FAM117B: variants seen among roughly 807,000 people sequenced by gnomAD.
The protein encoded by FAM117B is family with sequence similarity 117 member B.
In FAM117B, 22 loss-of-function variants were observed where a neutral mutation model predicts 52.8. The observed-to-expected ratio is 0.42, with a 90% CI of 0.30 to 0.59. The LOEUF (loss-of-function observed/expected upper bound fraction) is 0.59, where lower values mean the gene tolerates loss of function less well. FAM117B is among the 20% of genes least tolerant of loss of function. The pLI is 0.22. For synonymous variants in FAM117B, 309 were observed against 324.1 expected (o/e 0.95, Z 0.50); for missense variants, 678 against 802.6 (o/e 0.84, Z 1.88).
At position 202,766,031 on chromosome 2, in the gene FAM117B, C is replaced by T. The variant is rs548646670; in HGVS notation, c.*267C>T. On this transcript the variant is annotated 3_prime_UTR_variant, in exon 8 of 8. Transcript: ENST00000392238. The stretch of plus-strand genomic sequence containing the variant: ...CTTTACCTTTGGAGAGACAATATCA[C>T]GTTTTTGTTTTCGAATTAGACTTCT... 48 of 384,050 alleles carry T rather than the reference C, an allele frequency of 1.2e-4. 1 individual carries two copies. The highest frequency in any genetic ancestry group is 1.2e-3 in the South Asian group (39 of 31,464). 23.8% of individuals were successfully genotyped at this position (384,050 alleles called of 1,614,324 possible). A position where few individuals can be genotyped will look rare whatever the true frequency, so the allele number is the denominator to read the frequency against.
At chr2:202,674,414 G>A (rs1166937337) in intron 1 of FAM117B, among the ~76,000 whole-genome samples, 1 of 152,122 alleles carries the variant, frequency 6.6e-6, no homozygotes, top group Admixed American at 6.5e-5. Flanking sequence ...TTAACCAGTT[G>A]GTAATAATAC....
chr2:202,714,529 T>TTTCC (rs1691009145), intron 2 of FAM117B, among the ~76,000 whole-genome samples: 1 of 139,834 alleles, frequency 7.2e-6, no homozygotes, highest in Non-Finnish European at 1.6e-5. Flanking sequence ...TATCTTTTTT[T>TTTCC]TTTCTTTTTT....
chr2:202,650,917 C>G (rs900594519), intron 1 of FAM117B, among the ~76,000 whole-genome samples: 2 of 152,126 alleles, frequency 1.3e-5, no homozygotes, highest in African/African-American at 2.4e-5. Context: ...TCCGCTGACT[C>G]AAATATTAAT....
At chr2:202,759,377 C>T in intron 7 of FAM117B, 24 bp downstream of exon 7, 1 of 1,585,386 alleles carries the variant, frequency 6.3e-7, no homozygotes, top group Non-Finnish European at 8.5e-7. Flanking sequence ...CCACCATCCC[C>T]ACAAAAAAAC....
chr2:202,749,954 C>A (rs1426439963), intron 4 of FAM117B, among the ~76,000 whole-genome samples: 1 of 152,164 alleles, frequency 6.6e-6, no homozygotes, highest in East Asian at 1.9e-4. Flanking sequence ...GTGTATTAGT[C>A]TCTTCAGGCA....
chr2:202,702,678 T>C (rs1690813168), intron 2 of FAM117B, among the ~76,000 whole-genome samples: 1 of 151,982 alleles, frequency 6.6e-6, no homozygotes, highest in African/African-American at 2.4e-5. Context: ...CTCAGCCTCC[T>C]GGGTAGCTGG....
chr2:202,644,064 G>GTTT (rs1161026426), intron 1 of FAM117B, among the ~76,000 whole-genome samples: 3 of 95,138 alleles, frequency 3.2e-5, no homozygotes, highest in African/African-American at 1.4e-4. Flanking sequence ...TTTTTTTTTT[G>GTTT]TTTTTTTTTT....
intron 1 of FAM117B, among the ~76,000 whole-genome samples, chr2:202,677,129 G>T (rs1398166834): frequency 5.3e-5 from 8 of 150,468 alleles, no homozygotes; most frequent in African/African-American, 1.7e-4. Context: ...GTACAGTGGC[G>T]CAATCTCGGC....
intron 2 of FAM117B, among the ~76,000 whole-genome samples, chr2:202,713,752 G>A (rs770416026): frequency 5.9e-5 from 9 of 152,088 alleles, no homozygotes; most frequent in Non-Finnish European, 1.2e-4. Context: ...TGTTGCTCAG[G>A]TTGGAGTGCA....
At chr2:202,719,467 T>A (rs773490647) in intron 2 of FAM117B, among the ~76,000 whole-genome samples, 8 of 152,202 alleles carry the variant, frequency 5.3e-5, no homozygotes, top group Non-Finnish European at 1.2e-4. Flanking sequence ...TTCACCTATA[T>A]TTACCAAGTA....
chr2:202,678,241 C>T (rs1690406853), intron 1 of FAM117B, among the ~76,000 whole-genome samples: 2 of 152,028 alleles, frequency 1.3e-5, no homozygotes, highest in Non-Finnish European at 2.9e-5. Flanking sequence ...GGAAGAAGCT[C>T]CCTTATACAG....
chr2:202,722,975 T>A (rs1225840394), intron 2 of FAM117B, among the ~76,000 whole-genome samples: 1 of 152,188 alleles, frequency 6.6e-6, no homozygotes, highest in East Asian at 1.9e-4. Context: ...ACAATGGACT[T>A]AAAGAGCCTG....
chr2:202,746,432 C>G (rs970228383), intron 4 of FAM117B, among the ~76,000 whole-genome samples: 18 of 151,562 alleles, frequency 1.2e-4, no homozygotes, highest in African/African-American at 4.4e-4. Flanking sequence ...GTACAACATA[C>G]CAAAACCTAT....
In FAM117B at chr2:202,765,657, C is replaced by A. The variant is rs1691965813; in HGVS notation, c.1663C>A (p.Leu555Met). The change falls in exon 8 of 8, where the codon CTG becomes ATG. Residue 555 changes from leucine (L) to methionine (M), a missense_variant. Transcript: ENST00000392238. ...GCTGCAGCCTATTGCTGTGGCCTCC[C>A]TGTCTACAAACACAGAGCAAGACCG... ...TLLQPIAVASLSTNTEQDRVS... is the reference protein window; with the variant it reads ...TLLQPIAVASMSTNTEQDRVS... The A allele has an allele frequency of 5.6e-6, 9 of 1,614,014 alleles. 1 individual carries two copies. Among genetic ancestry groups the A allele is most frequent in the Middle Eastern group, 1.6e-4 (1 of 6,084 alleles).
At chr2:202,702,778 C>T (rs1351005945) in intron 2 of FAM117B, among the ~76,000 whole-genome samples, 1 of 152,160 alleles carries the variant, frequency 6.6e-6, no homozygotes, top group East Asian at 1.9e-4. Flanking sequence ...TGGTCTCGAT[C>T]TCCTGACCTC....
intron 1 of FAM117B, among the ~76,000 whole-genome samples, chr2:202,682,299 C>T (rs1690473916): frequency 6.6e-6 from 1 of 152,214 alleles, no homozygotes; most frequent in African/African-American, 2.4e-5. Context: ...CTTAAGCCGT[C>T]TGCGGATGGC....
chr2:202,655,710 G>GAGACAGAGAC (rs199668361), intron 1 of FAM117B, among the ~76,000 whole-genome samples: 1 of 24,328 alleles, frequency 4.1e-5, no homozygotes, highest in African/African-American at 3.5e-4. Context: ...AAGAGAGTGA[G>GAGACAGAGAC]AGAGAGAGAG....
At chr2:202,765,020 T>C (rs1691954128) in intron 7 of FAM117B, among the ~76,000 whole-genome samples, 1 of 152,196 alleles carries the variant, frequency 6.6e-6, no homozygotes, top group Non-Finnish European at 1.5e-5. Flanking sequence ...CAGTATACTA[T>C]AGACCTCGGA....
At chr2:202,647,843 A>G (rs562031425) in intron 1 of FAM117B, among the ~76,000 whole-genome samples, 1 of 152,232 alleles carries the variant, frequency 6.6e-6, no homozygotes, top group East Asian at 1.9e-4. Context: ...AGTATCTGAC[A>G]TTTTTTTGAT....
Sources: gnomAD v4.1 joint callset for allele counts (sites outside exome capture counted in the v4.1 genomes callset) on GRCh38, gnomAD v4.1.1 for gene constraint, MANE v1.5 for transcripts, NCBI Gene and HGNC (gene_info 2026-07-23, HGNC 2026-07-21) for gene names.